The following PDE8B variants were observed in gnomAD, a reference collection of about 807,000 sequenced individuals.
PDE8B encodes the protein phosphodiesterase 8B.
A neutral mutation model predicts 101.3 loss-of-function variants in PDE8B; 26 were observed. The ratio of observed to expected loss-of-function variants is 0.26; its 90% CI spans 0.19 to 0.36. The LOEUF is 0.36. PDE8B is among the 10% of genes least tolerant of loss of function. The pLI is 1.00. For missense variants in PDE8B, 810 were observed against 1,163.1 expected, an observed-to-expected ratio of 0.70 and a Z score of 4.42; for synonymous variants, 424 against 429.3, an observed-to-expected ratio of 0.99 and a Z score of 0.15.
chr5:77,223,163 AT>A (rs1229386391), intron 1 of PDE8B, among the ~76,000 whole-genome samples: 2 of 152,232 alleles, frequency 1.3e-5, no homozygotes, highest in African/African-American at 4.8e-5. Flanking sequence ...TAACCAGTAT[AT>A]TAAAAATATT....
At chr5:77,337,523 A>G (rs1238116791) in intron 6 of PDE8B, among the ~76,000 whole-genome samples, 1 of 152,206 alleles carries the variant, frequency 6.6e-6, no homozygotes, top group East Asian at 1.9e-4. Context: ...TCTTCTTTTG[A>G]CAGTATTTTC....
chr5:77,124,075 T>C, the PDE8B span, among the ~76,000 whole-genome samples: 1 of 152,112 alleles, frequency 6.6e-6, no homozygotes, highest in Non-Finnish European at 1.5e-5. Context: ...AATCTGCAAG[T>C]AAAAGTCCAA....
the PDE8B span, among the ~76,000 whole-genome samples, chr5:77,198,270 T>A: frequency 6.6e-6 from 1 of 152,192 alleles, no homozygotes; most frequent in Non-Finnish European, 1.5e-5. Flanking sequence ...CCTTTTTGGC[T>A]GGTAGAACTT....
chr5:77,253,449 T>C (rs950178925), intron 1 of PDE8B, among the ~76,000 whole-genome samples: 3 of 152,220 alleles, frequency 2.0e-5, no homozygotes, highest in Admixed American at 2.0e-4. Context: ...AGCTTTCTAA[T>C]GATTGGCAAA....
At chr5:77,402,416 A>G (rs1792472472) in intron 11 of PDE8B, among the ~76,000 whole-genome samples, 1 of 152,210 alleles carries the variant, frequency 6.6e-6, no homozygotes. Flanking sequence ...TAACTTTATA[A>G]TAGTTCCGCT....
At chr5:77,387,223 T>G (rs961421257) in intron 10 of PDE8B, among the ~76,000 whole-genome samples, 1 of 152,204 alleles carries the variant, frequency 6.6e-6, no homozygotes, top group African/African-American at 2.4e-5. Context: ...TTTCCATGTT[T>G]AGTGCTTCTT....
At chr5:77,293,376 TA>T (rs79556570) in intron 1 of PDE8B, among the ~76,000 whole-genome samples, 9,148 of 152,310 alleles carry the variant, frequency 0.06, 558 homozygotes, top group African/African-American at 0.15. Flanking sequence ...TTCACAAGTT[TA>T]AAAAGTTGTG....
intron 1 of PDE8B, among the ~76,000 whole-genome samples, chr5:77,275,076 C>T (rs927443430): frequency 2.6e-5 from 4 of 152,134 alleles, no homozygotes; most frequent in African/African-American, 9.7e-5. Context: ...CACACACACA[C>T]TAGTTGAGTA....
chr5:77,087,962 A>G, the PDE8B span: 1 of 152,500 alleles, frequency 6.6e-6, no homozygotes, highest in East Asian at 1.9e-4. Flanking sequence ...CACATTCCGC[A>G]TGCCTCAGTT....
Position 77,244,050 on chromosome 5 carries a change from T to TCCA in PDE8B, c.339+32803_339+32805dup, listed in dbSNP as rs199522966. Among the ~76,000 whole-genome samples, 11 of 151,510 alleles carry TCCA rather than the reference T, an allele frequency of 7.3e-5. No homozygotes were observed. In the East Asian group the frequency reaches 1.8e-3, roughly 24 times the overall value. On this transcript the variant is annotated intron_variant, in intron 1 of 21. Coordinates refer to ENST00000264917, the MANE Select transcript of PDE8B (RefSeq NM_003719.5). ...TATGTGGGAGAGTTGAAGAAGACACTCCACCACCACCACCACCACTGCAAC... is the reference window on the plus strand; with the variant it reads ...TATGTGGGAGAGTTGAAGAAGACACTCCACCACCACCACCACCACCACTGCAAC...
At chr5:77,100,256 A>G in the PDE8B span, 1 of 152,282 alleles carries the variant, frequency 6.6e-6, no homozygotes, top group East Asian at 1.9e-4. Flanking sequence ...TGCCTCATAA[A>G]GGCCCGTAGT....
chr5:77,383,661 A>C (rs1039182843), intron 10 of PDE8B, among the ~76,000 whole-genome samples: 3 of 151,966 alleles, frequency 2.0e-5, no homozygotes, highest in African/African-American at 7.3e-5. Context: ...TTTTGTATAA[A>C]GTGTAAGGAA....
the PDE8B span, among the ~76,000 whole-genome samples, chr5:77,170,409 C>T: frequency 6.6e-6 from 1 of 152,048 alleles, no homozygotes; most frequent in Non-Finnish European, 1.5e-5. Context: ...GGATAAAAGC[C>T]ACAACAAAAG....
chr5:77,246,574 C>T (rs190899450), intron 1 of PDE8B, among the ~76,000 whole-genome samples: 11 of 152,276 alleles, frequency 7.2e-5, no homozygotes, highest in Admixed American at 6.5e-4. Context: ...ATTCCAATTT[C>T]GGTGAACTTA....
intron 1 of PDE8B, among the ~76,000 whole-genome samples, chr5:77,258,779 T>G (rs942331457): frequency 1.3e-5 from 2 of 152,128 alleles, no homozygotes; most frequent in African/African-American, 4.8e-5. Context: ...GCTCCTACGC[T>G]TCCTTCAGCT....
intron 7 of PDE8B, among the ~76,000 whole-genome samples, chr5:77,345,962 C>T (rs1477828193): frequency 5.3e-5 from 8 of 152,146 alleles, no homozygotes; most frequent in Admixed American, 1.3e-4. Context: ...CTGCCTAGGC[C>T]CTGTCATCAG....
At chr5:77,309,941 A>ACCTTTT (rs772985826) in intron 1 of PDE8B, among the ~76,000 whole-genome samples, 2,496 of 82,804 alleles carry the variant, frequency 0.03, 234 homozygotes, top group Middle Eastern at 0.069. Flanking sequence ...TTAATCATTA[A>ACCTTTT]TCTTTTTTTT....
At chr5:77,210,547 C>A, upstream of PDE8B, 2 of 862,292 alleles carry the variant, frequency 2.3e-6, no homozygotes, top group Non-Finnish European at 2.8e-6. The surrounding 1 kb of genome is among the most constrained non-coding windows in gnomAD (Gnocchi z 4.9). Context: ...GCCGCGGGTG[C>A]GGGAGCCCGG....
chr5:77,175,729 A>G, the PDE8B span, among the ~76,000 whole-genome samples: 3 of 152,234 alleles, frequency 2.0e-5, no homozygotes, highest in South Asian at 6.2e-4. Flanking sequence ...AATTCTTGGC[A>G]TATAGTAGTT....
Sources: allele counts gnomAD v4.1 joint callset (sites outside exome capture counted in the v4.1 genomes callset), GRCh38; gene constraint gnomAD v4.1.1; non-coding constraint Gnocchi (gnomAD v3.1); transcripts MANE v1.5; gene names NCBI Gene and HGNC (gene_info 2026-07-23, HGNC 2026-07-21).